FRY: variants seen among roughly 807,000 people sequenced by gnomAD.
FRY encodes the protein FRY microtubule binding protein, also known as protein furry homolog.
FRY carries 128 observed loss-of-function variants against 348.4 expected under a neutral mutation model. The ratio of observed to expected loss-of-function variants is 0.37; its 90% CI spans 0.32 to 0.43. The LOEUF (loss-of-function observed/expected upper bound fraction) is 0.43. Among genes scored for constraint, FRY ranks in the 20% least tolerant of loss-of-function variants. FRY has a pLI of 1.00. For synonymous variants in FRY, 1,370 were observed against 1,374.7 expected, an observed-to-expected ratio of 1.00 and a Z score of 0.08; for missense variants, 2,736 against 3,695.2, an observed-to-expected ratio of 0.74 and a Z score of 6.73.
At chr13:32,274,412 A>G (rs1015530580) in intron 55 of FRY, among the ~76,000 whole-genome samples, 9 of 152,246 alleles carry the variant, frequency 5.9e-5, no homozygotes, top group African/African-American at 2.2e-4. Context: ...TTTTATGTCA[A>G]GTAAAAAAAT....
chr13:32,080,385 A>G (rs1429333438), intron 2 of FRY, among the ~76,000 whole-genome samples: 2 of 152,216 alleles, frequency 1.3e-5, no homozygotes, highest in Admixed American at 6.5e-5. Flanking sequence ...GACCTTAGGT[A>G]GATAGCATTT....
intron 18 of FRY, among the ~76,000 whole-genome samples, chr13:32,173,129 C>T (rs1205652030): frequency 6.6e-6 from 1 of 152,096 alleles, no homozygotes; most frequent in African/African-American, 2.4e-5. Context: ...AGTTATTTTT[C>T]ATCAGAAGTA....
intron 29 of FRY, among the ~76,000 whole-genome samples, chr13:32,200,297 T>C (rs560419396): frequency 1.3e-5 from 2 of 152,350 alleles, no homozygotes; most frequent in African/African-American, 4.8e-5. Flanking sequence ...AATGTAATTA[T>C]GTAGAATCAA....
chr13:32,175,469 T>A, intron 19 of FRY, 77 bp from the exon 20 acceptor site: 1 of 870,816 alleles, frequency 1.1e-6, no homozygotes, highest in African/African-American at 1.6e-5. Context: ...TTCTGCTTCA[T>A]GTATCAGACG....
At chr13:32,157,462 A>C (rs1297463969) in intron 16 of FRY, 57 bp downstream of exon 16, 1 of 1,489,228 alleles carries the variant, frequency 6.7e-7, no homozygotes, top group Admixed American at 1.7e-5. Flanking sequence ...ACACAAGTAG[A>C]GAGTATTCTC....
intron 2 of FRY, among the ~76,000 whole-genome samples, chr13:32,080,932 T>A (rs1875444121): frequency 6.6e-6 from 1 of 152,226 alleles, no homozygotes; most frequent in African/African-American, 2.4e-5. Context: ...CACAGCTAGG[T>A]CCTGACACCT....
chr13:32,052,955 C>T (rs925473743), intron 1 of FRY, among the ~76,000 whole-genome samples: 26 of 152,066 alleles, frequency 1.7e-4, no homozygotes, highest in Non-Finnish European at 3.7e-4. Flanking sequence ...CTCTACTAAA[C>T]GTACAAAAAT....
chr13:32,088,996 A>G (rs1394251517), intron 2 of FRY, among the ~76,000 whole-genome samples: 1 of 152,232 alleles, frequency 6.6e-6, no homozygotes, highest in Non-Finnish European at 1.5e-5. Flanking sequence ...GACAGAAAAT[A>G]CCAATAAAAA....
rs765562226 is a variant in FRY, at chr13:32,194,294, G to A, written c.3743G>A (p.Ser1248Asn). ...CFKAIATVCG[S>N]RNYPFDIVTL... ...AAAGCCATAGCAACTGTGTGTGGAAGCAGGTACGAATTTTTATAAGCAGTG... is the reference window on the plus strand; with the variant it reads ...AAAGCCATAGCAACTGTGTGTGGAAACAGGTACGAATTTTTATAAGCAGTG... The change falls in exon 29 of 61, where the codon AGC (serine) becomes AAC (asparagine). Residue 1248 changes from serine (S) to asparagine (N), a missense_variant. Coordinates refer to ENST00000542859, the MANE Select transcript of FRY (RefSeq NM_023037.3). The A allele has an allele frequency of 3.7e-6, 6 of 1,614,106 alleles. No individual in the cohort carries two copies. Among genetic ancestry groups the A allele is most frequent in the South Asian group, 1.1e-5 (1 of 91,086 alleles).
intron 1 of FRY, among the ~76,000 whole-genome samples, chr13:32,062,720 A>G (rs187165245): frequency 1.3e-4 from 20 of 152,300 alleles, no homozygotes; most frequent in African/African-American, 4.8e-4. Context: ...ATCAAACACC[A>G]GCAAGACTGA....
At chr13:32,176,729 C>T (rs1381051267) in intron 20 of FRY, among the ~76,000 whole-genome samples, 1 of 152,196 alleles carries the variant, frequency 6.6e-6, no homozygotes, top group Admixed American at 6.5e-5. Context: ...AAATCAAAAT[C>T]TTAACCTGGG....
At chr13:32,038,910 A>G (rs1872648052) in intron 1 of FRY, among the ~76,000 whole-genome samples, 1 of 152,238 alleles carries the variant, frequency 6.6e-6, no homozygotes, top group South Asian at 2.1e-4. Context: ...TGGGAGCTTC[A>G]TAAATGCATC....
At chr13:32,143,923 C>T (rs960218307) in intron 11 of FRY, among the ~76,000 whole-genome samples, 2 of 151,962 alleles carry the variant, frequency 1.3e-5, no homozygotes, top group Non-Finnish European at 2.9e-5. Context: ...GAAAATCAGA[C>T]CCAGAAAGAT....
At chr13:32,144,413 C>G (rs1880276379) in intron 11 of FRY, among the ~76,000 whole-genome samples, 1 of 149,030 alleles carries the variant, frequency 6.7e-6, no homozygotes. Context: ...CATTATAAAA[C>G]CTGAATAATT....
At chr13:32,175,015 C>A (rs73167184) in intron 19 of FRY, among the ~76,000 whole-genome samples, 2,332 of 151,970 alleles carry the variant, frequency 0.015, 30 homozygotes, top group Non-Finnish European at 0.021. Flanking sequence ...TCTCTCGTGC[C>A]CTTTCCAATT....
At chr13:32,273,093 G>T (rs905995875) in intron 55 of FRY, among the ~76,000 whole-genome samples, 2 of 151,932 alleles carry the variant, frequency 1.3e-5, no homozygotes, top group Non-Finnish European at 2.9e-5. Flanking sequence ...TTCCCCTCAG[G>T]TAGTGTAGGA....
At chr13:32,100,227 C>A (rs1877063901) in intron 2 of FRY, among the ~76,000 whole-genome samples, 1 of 151,826 alleles carries the variant, frequency 6.6e-6, no homozygotes. Flanking sequence ...ATTACGGGCA[C>A]ACACCACCTT....
chr13:32,150,583 C>T (rs1448721252), intron 14 of FRY, among the ~76,000 whole-genome samples: 1 of 152,136 alleles, frequency 6.6e-6, no homozygotes, highest in Non-Finnish European at 1.5e-5. Flanking sequence ...GACAAAATGC[C>T]TTTCTACCTC....
At chr13:32,088,079 A>C (rs538280319) in intron 2 of FRY, among the ~76,000 whole-genome samples, 3 of 152,246 alleles carry the variant, frequency 2.0e-5, no homozygotes, top group Non-Finnish European at 4.4e-5. Flanking sequence ...AAGGATGTGT[A>C]AATAGCAGAA....
Sources: allele counts gnomAD v4.1 joint callset (sites outside exome capture counted in the v4.1 genomes callset), GRCh38; gene constraint gnomAD v4.1.1; transcripts MANE v1.5; gene names NCBI Gene and HGNC (gene_info 2026-07-23, HGNC 2026-07-21).